SMOC1: variants seen among roughly 807,000 people sequenced by gnomAD.
SMOC1 encodes the protein SPARC-related modular calcium-binding protein 1.
SMOC1 carries 22 observed loss-of-function variants against 56.3 expected under a neutral mutation model. The observed-to-expected ratio is 0.39, with a 90% confidence interval of 0.28 to 0.56. SMOC1 has a LOEUF of 0.56. Ranked by LOEUF, SMOC1 falls within the 20% of genes least tolerant of loss-of-function variation. SMOC1 has a pLI of 0.61. For synonymous variants in SMOC1, 193 were observed against 215.0 expected, an observed-to-expected ratio of 0.90 and a Z score of 0.89; for missense variants, 509 against 565.4, an observed-to-expected ratio of 0.90 and a Z score of 1.01.
At chr14:69,961,156 A>G (rs540127236) in intron 3 of SMOC1, among the ~76,000 whole-genome samples, 1 of 151,476 alleles carries the variant, frequency 6.6e-6, no homozygotes, top group East Asian at 1.9e-4. Flanking sequence ...TGGAATAATA[A>G]TATGTGGTCC....
At chr14:69,928,179 A>G (rs994727175) in intron 1 of SMOC1, among the ~76,000 whole-genome samples, 4 of 152,184 alleles carry the variant, frequency 2.6e-5, no homozygotes, top group African/African-American at 9.7e-5. Flanking sequence ...TGGCACCCAG[A>G]TGGCTGATGC....
Position 69,977,979 on chromosome 14 carries a change from T to G in SMOC1, c.526+14T>G, listed in dbSNP as rs764281274. The stretch of plus-strand genomic sequence containing the variant: ...CAGGAAGGAAAGGTGAGTGGAGTTT[T>G]ATGCTTTATCTAAATGTTTGCTTCC... On this transcript the variant is annotated intron_variant, in intron 5 of 11. Transcript: ENST00000361956. The G allele has an allele frequency of 1.7e-5, 28 of 1,610,626 alleles. No individual in the cohort carries two copies. Among genetic ancestry groups the G allele is most frequent in the Non-Finnish European group, 2.4e-5 (28 of 1,176,962 alleles).
At position 69,967,780 on chromosome 14, in the gene SMOC1, G is replaced by A. The variant is rs147906824; in HGVS notation, c.379-7935G>A. The stretch of plus-strand genomic sequence containing the variant: ...TTGCTGAAGTCACACAGCTAGTAGT[G>A]GAGATGGTATTTACACTGAGGTCTT... On this transcript the variant is annotated intron_variant, in intron 3 of 11. Transcript: ENST00000361956. Among the ~76,000 whole-genome samples the A allele has an allele frequency of 8.9e-4, 136 of 152,290 alleles. 1 individual carries two copies. Among genetic ancestry groups the A allele is most frequent in the African/African-American group, 2.9e-3 (122 of 41,568 alleles).
At chr14:69,988,212 TTTG>T (rs1884435154) in intron 5 of SMOC1, among the ~76,000 whole-genome samples, 1 of 152,156 alleles carries the variant, frequency 6.6e-6, no homozygotes, top group Non-Finnish European at 1.5e-5. Flanking sequence ...GTTTGCCTTA[TTTG>T]TTGTTTGTTT....
chr14:69,945,704 C>G (rs535447759), intron 1 of SMOC1, among the ~76,000 whole-genome samples: 1 of 152,300 alleles, frequency 6.6e-6, no homozygotes, highest in East Asian at 1.9e-4. Flanking sequence ...GTACTTGAAG[C>G]TGTGTTACAT....
At chr14:69,940,217 A>T (rs898857793) in intron 1 of SMOC1, among the ~76,000 whole-genome samples, 1 of 151,732 alleles carries the variant, frequency 6.6e-6, no homozygotes, top group Non-Finnish European at 1.5e-5. Context: ...CATCTTCCCC[A>T]CTCCCCACTG....
rs1456435994 is a variant in SMOC1 at position 69,879,567 on chromosome 14, C to A, written c.-112C>A. 7 of 820,922 alleles carry A rather than the reference C, an allele frequency of 8.5e-6. No homozygotes were observed. Among genetic ancestry groups the A allele is most frequent in the South Asian group, 2.9e-5 (1 of 34,754 alleles). 50.9% of individuals were successfully genotyped at this position (820,922 alleles called of 1,614,324 possible). ...GAGCCCCCGCCGCAGGACCACGGCC[C>A]GCTCCCCGCCGCCGCGAGGGCCCCG... On this transcript the variant is annotated 5_prime_UTR_variant, in exon 1 of 12. Coordinates refer to ENST00000361956, the MANE Select transcript of SMOC1 (RefSeq NM_001034852.3).
intron 7 of SMOC1, among the ~76,000 whole-genome samples, chr14:70,004,916 C>T (rs937250382): frequency 1.9e-4 from 29 of 152,196 alleles, no homozygotes; most frequent in Non-Finnish European, 8.8e-5. Context: ...CCTTTGACCT[C>T]CACTTCCTCC....
chr14:69,913,153 C>T (rs558164434), intron 1 of SMOC1, among the ~76,000 whole-genome samples: 6 of 152,238 alleles, frequency 3.9e-5, no homozygotes, highest in African/African-American at 1.4e-4. Flanking sequence ...GCCTTTGGCA[C>T]CTTGATTGTG....
chr14:69,906,476 T>C (rs1270748467), intron 1 of SMOC1, among the ~76,000 whole-genome samples: 2 of 152,222 alleles, frequency 1.3e-5, no homozygotes, highest in Non-Finnish European at 2.9e-5. Flanking sequence ...CAGCAGATGA[T>C]TCCTGCCCCC....
At chr14:69,991,926 G>A (rs184621207) in intron 5 of SMOC1, among the ~76,000 whole-genome samples, 13 of 152,306 alleles carry the variant, frequency 8.5e-5, no homozygotes, top group African/African-American at 3.1e-4. Context: ...ATGGCACACA[G>A]GTCTCTTGTT....
intron 2 of SMOC1, 102 bp from the exon 3 acceptor site, chr14:69,953,318 G>T: frequency 3.8e-6 from 4 of 1,058,878 alleles, no homozygotes; most frequent in Non-Finnish European, 5.9e-6. Flanking sequence ...TTAGTTGTGT[G>T]TGGGCTCCCG....
chr14:70,002,001 C>T (rs1007961119), intron 7 of SMOC1, among the ~76,000 whole-genome samples: 2 of 152,202 alleles, frequency 1.3e-5, no homozygotes, highest in African/African-American at 4.8e-5. Context: ...TAGGCACTTA[C>T]TACTGCTTTT....
chr14:70,017,316 G>A (rs1253008977), intron 10 of SMOC1, among the ~76,000 whole-genome samples: 1 of 152,212 alleles, frequency 6.6e-6, no homozygotes, highest in East Asian at 1.9e-4. Flanking sequence ...ACAGACCCTG[G>A]CCAGTTGTCC....
intron 1 of SMOC1, among the ~76,000 whole-genome samples, chr14:69,881,219 TA>T (rs1883628509): frequency 6.6e-6 from 1 of 152,106 alleles, no homozygotes; most frequent in African/African-American, 2.4e-5. Context: ...GGTTTGATAT[TA>T]GGACTCAGAG....
chr14:70,002,993 T>G (rs1243207820), intron 7 of SMOC1, among the ~76,000 whole-genome samples: 1 of 152,190 alleles, frequency 6.6e-6, no homozygotes, highest in African/African-American at 2.4e-5. Flanking sequence ...TGCCAAATTC[T>G]CAGCCACCCT....
chr14:69,998,105 C>T (rs1157850166), intron 7 of SMOC1, among the ~76,000 whole-genome samples: 1 of 152,202 alleles, frequency 6.6e-6, no homozygotes, highest in Non-Finnish European at 1.5e-5. Flanking sequence ...TACAGACTCT[C>T]CTAGTCTCCC....
At chr14:70,001,328 CTGAGGGGTCAAAGG>C (rs1884961420) in intron 7 of SMOC1, among the ~76,000 whole-genome samples, 3 of 152,114 alleles carry the variant, frequency 2.0e-5, no homozygotes, top group Non-Finnish European at 4.4e-5. Context: ...CTGTTTGCCA[CTGAGGGGTCAAAGG>C]ATGAAATACA....
intron 5 of SMOC1, 85 bp from the exon 6 acceptor site, chr14:69,992,332 C>A: frequency 7.2e-7 from 1 of 1,382,362 alleles, no homozygotes; most frequent in South Asian, 1.2e-5. Flanking sequence ...GTACAAACCC[C>A]AACCATTCAA....
Sources: allele counts gnomAD v4.1 joint callset (sites outside exome capture counted in the v4.1 genomes callset), GRCh38; gene constraint gnomAD v4.1.1; transcripts MANE v1.5; gene names NCBI Gene and HGNC (gene_info 2026-07-23, HGNC 2026-07-21).